Variants in FGF12 observed in about 807,000 individuals in gnomAD.
The protein encoded by FGF12 is fibroblast growth factor 12.
FGF12 carries 14 observed loss-of-function variants against 23.6 expected under a neutral mutation model. The ratio of observed to expected loss-of-function variants is 0.59; its 90% confidence interval spans 0.39 to 0.93. The LOEUF (loss-of-function observed/expected upper bound fraction) is 0.93. Among genes scored for constraint, FGF12 ranks in the 40% least tolerant of loss-of-function variants. The probability of loss-of-function intolerance (pLI) is 0.00; values close to 1 mark genes in which losing one functional copy is unlikely to be tolerated. For missense variants in FGF12, 175 were observed against 217.8 expected, an observed-to-expected ratio of 0.80 and a Z score of 1.24; for synonymous variants, 62 against 77.3, an observed-to-expected ratio of 0.80 and a Z score of 1.04.
rs1243463014 is a variant in FGF12, at chr3:192,508,225, T to A, written c.14-147687A>T. 2.0e-5 allele frequency among the ~76,000 whole-genome samples: 3 copies of A among 152,144 alleles called. No homozygotes were observed. In the South Asian group the frequency reaches 6.2e-4, roughly 31 times the overall value. ...GAAGCTTATGTATAAACAAGAAAGATCATTTCAGAAAGAGAGATTGTCTCA... is the reference window on the plus strand; with the variant it reads ...GAAGCTTATGTATAAACAAGAAAGAACATTTCAGAAAGAGAGATTGTCTCA... On this transcript the variant is annotated intron_variant, in intron 2 of 5. Transcript: ENST00000445105.
chr3:192,345,004 T>C (rs1049156366), intron 3 of FGF12, among the ~76,000 whole-genome samples: 46 of 152,324 alleles, frequency 3.0e-4, no homozygotes, highest in African/African-American at 1.1e-3. Flanking sequence ...ATAAGATCAA[T>C]GGGCAGAAAC....
chr3:192,252,785 A>G (rs530901432), intron 4 of FGF12, among the ~76,000 whole-genome samples: 2 of 152,228 alleles, frequency 1.3e-5, no homozygotes, highest in Non-Finnish European at 2.9e-5. Flanking sequence ...CTTAATTCAC[A>G]TAAGATATAT....
intron 2 of FGF12, among the ~76,000 whole-genome samples, chr3:192,452,994 A>C (rs1487932361): frequency 3.3e-5 from 5 of 152,178 alleles, no homozygotes; most frequent in Non-Finnish European, 7.3e-5. Context: ...CCATAATTCC[A>C]GACAATTTTC....
At chr3:192,240,555 T>C (rs1221234735) in intron 4 of FGF12, among the ~76,000 whole-genome samples, 1 of 152,206 alleles carries the variant, frequency 6.6e-6, no homozygotes, top group African/African-American at 2.4e-5. Flanking sequence ...TCAGAAGTAG[T>C]TGTTGACTTC....
Position 192,514,704 on chromosome 3 carries a change from G to A in FGF12, c.14-154166C>T, listed in dbSNP as rs1458758411. On this transcript the variant is annotated intron_variant, in intron 2 of 5. Coordinates refer to ENST00000445105, the MANE Select transcript of FGF12 (RefSeq NM_004113.6). The surrounding 1 kb of genome is among the most constrained non-coding windows in gnomAD (Gnocchi z 4.9). Reference sequence around the variant, plus strand: ...CGCTGGACCTCAGGCTCCTTCCACAGAGACACTGCAGCATATGCACTCCTT... The same window carrying A: ...CGCTGGACCTCAGGCTCCTTCCACAAAGACACTGCAGCATATGCACTCCTT... The A allele has an allele frequency of 1.0e-6, 1 of 985,286 alleles. No homozygotes were observed. Among genetic ancestry groups the A allele is most frequent in the Non-Finnish European group, 1.2e-6 (1 of 829,934 alleles). 61.0% of individuals were successfully genotyped at this position (985,286 alleles called of 1,614,324 possible). A position where few individuals can be genotyped will look rare whatever the true frequency, so the allele number is the denominator to read the frequency against.
intron 2 of FGF12, chr3:192,516,717 CCTTT>C (rs1373942677): frequency 6.6e-6 from 1 of 152,266 alleles, no homozygotes; most frequent in East Asian, 1.9e-4. Flanking sequence ...TATGCCCAGG[CCTTT>C]CTTTCTAGTC....
intron 2 of FGF12, among the ~76,000 whole-genome samples, chr3:192,454,563 T>A (rs1317509496): frequency 6.6e-6 from 1 of 152,146 alleles, no homozygotes; most frequent in African/African-American, 2.4e-5. Flanking sequence ...AAGGCTTACT[T>A]CATAAACCTA....
intron 2 of FGF12, among the ~76,000 whole-genome samples, chr3:192,609,636 AGGG>A (rs1714477222): frequency 6.6e-6 from 1 of 152,052 alleles, no homozygotes; most frequent in Non-Finnish European, 1.5e-5. Flanking sequence ...TTACCGTGTT[AGGG>A]GCAAGCTGCT....
At chr3:192,161,218 A>G (rs1166359521) in intron 5 of FGF12, among the ~76,000 whole-genome samples, 2 of 152,072 alleles carry the variant, frequency 1.3e-5, no homozygotes, top group African/African-American at 4.8e-5. Flanking sequence ...TAAGAAATGC[A>G]AATTATTTGG....
chr3:192,306,598 A>G (rs1715664017), intron 4 of FGF12, among the ~76,000 whole-genome samples: 1 of 152,160 alleles, frequency 6.6e-6, no homozygotes, highest in Admixed American at 6.5e-5. Context: ...ATATATTTCT[A>G]AGGGGCAAAT....
At chr3:192,172,146 C>A (rs997756865) in intron 4 of FGF12, among the ~76,000 whole-genome samples, 1 of 151,438 alleles carries the variant, frequency 6.6e-6, no homozygotes. Flanking sequence ...GCCAGCACTT[C>A]GGGAGGTTGA....
At position 192,407,349 on chromosome 3, in the gene FGF12, G is replaced by A. The variant is rs1290192129; in HGVS notation, c.14-46811C>T. Among the ~76,000 whole-genome samples, 3 of 152,070 alleles carry A rather than the reference G, an allele frequency of 2.0e-5. 1 individual carries two copies. The highest frequency in any genetic ancestry group is 2.9e-5 in the Non-Finnish European group (2 of 68,016). On this transcript the variant is annotated intron_variant, in intron 2 of 5. Coordinates refer to ENST00000445105, the MANE Select transcript of FGF12 (RefSeq NM_004113.6). ...CTAAGTATGGTAATAGGACAGAAAC[G>A]TTAATGAGCAGAGTCCTTGGAAACA...
At chr3:192,398,386 C>CTTT (rs749956480) in intron 2 of FGF12, among the ~76,000 whole-genome samples, 1 of 72,416 alleles carries the variant, frequency 1.4e-5, no homozygotes, top group Non-Finnish European at 3.0e-5. Flanking sequence ...TTTCTTTTTT[C>CTTT]TTTTTTTTTT....
chr3:192,521,829 C>A (rs1724821136), intron 2 of FGF12, among the ~76,000 whole-genome samples: 1 of 152,078 alleles, frequency 6.6e-6, no homozygotes. Flanking sequence ...AGACTATGAG[C>A]CTTTTCGCCT....
chr3:192,674,773 T>C (rs1357092041), intron 2 of FGF12, among the ~76,000 whole-genome samples: 1 of 152,166 alleles, frequency 6.6e-6, no homozygotes, highest in Admixed American at 6.5e-5. Flanking sequence ...AAATGCTTTT[T>C]CCCAAAAGAG....
At chr3:192,367,596 C>T (rs1318751280) in intron 2 of FGF12, among the ~76,000 whole-genome samples, 1 of 152,152 alleles carries the variant, frequency 6.6e-6, no homozygotes, top group Non-Finnish European at 1.5e-5. Flanking sequence ...ACAGAACTTA[C>T]CTGGACTTTT....
At chr3:192,711,367 G>A (rs1718669103) in intron 2 of FGF12, among the ~76,000 whole-genome samples, 1 of 151,902 alleles carries the variant, frequency 6.6e-6, no homozygotes, top group Non-Finnish European at 1.5e-5. Flanking sequence ...CGTCCGGGAG[G>A]TGGGGGGCGC....
intron 2 of FGF12, among the ~76,000 whole-genome samples, chr3:192,614,100 T>G (rs1714657732): frequency 6.6e-6 from 1 of 151,952 alleles, no homozygotes; most frequent in African/African-American, 2.4e-5. Flanking sequence ...TCCAGGAGTA[T>G]GAGGGGTGAA....
chr3:192,311,623 T>C (rs1230835969), intron 4 of FGF12, among the ~76,000 whole-genome samples: 1 of 152,192 alleles, frequency 6.6e-6, no homozygotes. Flanking sequence ...CAAGAGTCTT[T>C]GTGTAGACAT....
Sources: gnomAD v4.1 joint callset for allele counts (sites outside exome capture counted in the v4.1 genomes callset) on GRCh38, gnomAD v4.1.1 for gene constraint, Gnocchi (gnomAD v3.1) non-coding constraint, MANE v1.5 for transcripts, NCBI Gene and HGNC (gene_info 2026-07-23, HGNC 2026-07-21) for gene names.